The following NDUFAF2 variants were observed in gnomAD, a reference collection of about 807,000 sequenced individuals.
NDUFAF2 encodes NADH:ubiquinone oxidoreductase complex assembly factor 2.
NDUFAF2 carries 13 observed loss-of-function variants against 22.8 expected under a neutral mutation model. The ratio of observed to expected loss-of-function variants is 0.57; its 90% CI spans 0.37 to 0.91. The LOEUF (loss-of-function observed/expected upper bound fraction) is 0.91. Ranked by LOEUF, NDUFAF2 falls within the 40% of genes least tolerant of loss-of-function variation. NDUFAF2 has a pLI of 0.01. For missense variants in NDUFAF2, 162 were observed against 195.2 expected (o/e 0.83, Z 1.01); for synonymous variants, 53 against 64.2 (o/e 0.83, Z 0.84).
At chr5:60,982,640 A>G (rs887716209) in intron 1 of NDUFAF2, among the ~76,000 whole-genome samples, 1 of 145,470 alleles carries the variant, frequency 6.9e-6, no homozygotes, top group Non-Finnish European at 1.5e-5. Flanking sequence ...ATGAGTGGGA[A>G]CATGCGGTGT....
chr5:61,041,275 C>T (rs1430316606), intron 1 of NDUFAF2, among the ~76,000 whole-genome samples: 1 of 152,018 alleles, frequency 6.6e-6, no homozygotes, highest in Admixed American at 6.6e-5. Context: ...AACATATTCT[C>T]CATTTACTAG....
intron 1 of NDUFAF2, among the ~76,000 whole-genome samples, chr5:60,967,215 A>G (rs1298301433): frequency 6.6e-6 from 1 of 152,012 alleles, no homozygotes; most frequent in Non-Finnish European, 1.5e-5. Flanking sequence ...ACTTCACTAA[A>G]TGTATTAGTA....
chr5:61,119,154 G>A (rs1374508485), intron 3 of NDUFAF2, among the ~76,000 whole-genome samples: 2 of 152,178 alleles, frequency 1.3e-5, no homozygotes, highest in African/African-American at 4.8e-5. Flanking sequence ...TTGAGGAATT[G>A]TCACAGTAAT....
intron 1 of NDUFAF2, among the ~76,000 whole-genome samples, chr5:60,960,412 C>G (rs1182184589): frequency 6.6e-6 from 1 of 152,180 alleles, no homozygotes; most frequent in African/African-American, 2.4e-5. Context: ...CTATGAAACT[C>G]AATTTGCATT....
chr5:61,127,851 A>G (rs1753056954), intron 3 of NDUFAF2, among the ~76,000 whole-genome samples: 1 of 152,160 alleles, frequency 6.6e-6, no homozygotes, highest in African/African-American at 2.4e-5. Context: ...AGGAAGTCAA[A>G]TTGTCCCTGT....
chr5:60,966,021 G>A (rs983280446), intron 1 of NDUFAF2, among the ~76,000 whole-genome samples: 1 of 151,578 alleles, frequency 6.6e-6, no homozygotes, highest in Non-Finnish European at 1.5e-5. Context: ...CTACATTGTC[G>A]ACAACACTTG....
intron 1 of NDUFAF2, among the ~76,000 whole-genome samples, chr5:60,977,836 C>CAAA (rs373286895): frequency 0.3 from 34,611 of 115,844 alleles, 5,841 homozygotes; most frequent in East Asian, 0.42. Flanking sequence ...GACTCTGTCT[C>CAAA]AAAAAAAAAA....
chr5:60,954,016 T>C (rs1750581819), intron 1 of NDUFAF2, among the ~76,000 whole-genome samples: 1 of 152,200 alleles, frequency 6.6e-6, no homozygotes, highest in African/African-American at 2.4e-5. Flanking sequence ...TAAATCATTA[T>C]TTCTAGTGAT....
At chr5:60,965,514 T>A (rs1308498784) in intron 1 of NDUFAF2, among the ~76,000 whole-genome samples, 2 of 152,118 alleles carry the variant, frequency 1.3e-5, no homozygotes, top group Admixed American at 1.3e-4. Context: ...TTGACCAGCG[T>A]CTCCCCATTT....
chr5:61,139,124 A>G (rs1397787655), intron 3 of NDUFAF2, among the ~76,000 whole-genome samples: 1 of 152,218 alleles, frequency 6.6e-6, no homozygotes, highest in Admixed American at 6.5e-5. Context: ...AATACATTTA[A>G]TACACCTAAC....
At chr5:61,084,416 A>T (rs1752480958) in intron 2 of NDUFAF2, among the ~76,000 whole-genome samples, 1 of 145,204 alleles carries the variant, frequency 6.9e-6, no homozygotes, top group African/African-American at 2.4e-5. Flanking sequence ...TCATCGCCAG[A>T]ACTTTTTTCA....
chr5:60,994,651 T>C (rs1183539000), intron 1 of NDUFAF2, among the ~76,000 whole-genome samples: 4 of 152,354 alleles, frequency 2.6e-5, no homozygotes, highest in Non-Finnish European at 5.9e-5. Flanking sequence ...AGTTTTATTA[T>C]TAAATGTCTT....
chr5:61,138,186 G>C (rs1740992372), intron 3 of NDUFAF2, among the ~76,000 whole-genome samples: 1 of 152,190 alleles, frequency 6.6e-6, no homozygotes, highest in Admixed American at 6.5e-5. Context: ...CCATTTAAAG[G>C]GTTGTTAGTG....
At chr5:61,096,515 C>A (rs1328035729) in intron 2 of NDUFAF2, among the ~76,000 whole-genome samples, 1 of 148,952 alleles carries the variant, frequency 6.7e-6, no homozygotes, top group Non-Finnish European at 1.5e-5. Flanking sequence ...AGGAGAATTG[C>A]TTGAACCAGG....
At chr5:61,078,543 C>T (rs1392247914) in intron 2 of NDUFAF2, among the ~76,000 whole-genome samples, 1 of 152,014 alleles carries the variant, frequency 6.6e-6, no homozygotes, top group Non-Finnish European at 1.5e-5. Context: ...GAGTTCTAGA[C>T]CAGCCTGTAC....
chr5:60,959,869 A>G (rs1750662063), intron 1 of NDUFAF2, among the ~76,000 whole-genome samples: 1 of 152,102 alleles, frequency 6.6e-6, no homozygotes, highest in African/African-American at 2.4e-5. Context: ...GTTCGTGTGT[A>G]TATGTGTTCA....
At chr5:60,958,935 C>G (rs1184397031) in intron 1 of NDUFAF2, among the ~76,000 whole-genome samples, 2 of 152,024 alleles carry the variant, frequency 1.3e-5, no homozygotes, top group African/African-American at 4.8e-5. Flanking sequence ...GTTTCATTGC[C>G]AGCCTCAAAC....
At chr5:61,103,024 T>A (rs1752721375) in intron 3 of NDUFAF2, among the ~76,000 whole-genome samples, 1 of 152,108 alleles carries the variant, frequency 6.6e-6, no homozygotes, top group Non-Finnish European at 1.5e-5. Flanking sequence ...TACAATCATG[T>A]TTGAAAACTG....
chr5:61,054,602 A>G (rs1752064030), intron 1 of NDUFAF2, among the ~76,000 whole-genome samples: 1 of 152,204 alleles, frequency 6.6e-6, no homozygotes, highest in South Asian at 2.1e-4. Flanking sequence ...AAATCCAAGG[A>G]ACAAAACCCC....
Sources: allele counts gnomAD v4.1 joint callset (sites outside exome capture counted in the v4.1 genomes callset), GRCh38; gene constraint gnomAD v4.1.1; transcripts MANE v1.5; gene names NCBI Gene and HGNC (gene_info 2026-07-23, HGNC 2026-07-21).